The following USP18 variants were observed in gnomAD, a reference collection of about 807,000 sequenced individuals.
The protein encoded by USP18 is ubl carboxyl-terminal hydrolase 18.
Under a neutral mutation model 48.7 loss-of-function variants are expected in USP18, and 11 were observed. That is an observed-to-expected ratio of 0.23 (90% confidence interval 0.14 to 0.37). USP18 has a LOEUF of 0.37. Ranked by LOEUF, USP18 falls within the 10% of genes least tolerant of loss-of-function variation. The pLI, the probability that USP18 is intolerant of heterozygous loss-of-function variation, is 1.00. For missense variants in USP18, 285 were observed against 436.4 expected (o/e 0.65, Z 3.09); for synonymous variants, 114 against 163.2 (o/e 0.70, Z 2.30).
At chr22:18,173,715 G>A (rs1247219576) in intron 9 of USP18, 78 bp from the exon 10 acceptor site, 2 of 1,591,514 alleles carry the variant, frequency 1.3e-6, no homozygotes, top group East Asian at 2.3e-5. Flanking sequence ...GGAGGATGAG[G>A]GGCACATTAT....
chr22:18,167,738 T>G, intron 5 of USP18, 152 bp from the exon 6 acceptor site: 1 of 628,774 alleles, frequency 1.6e-6, no homozygotes, highest in Non-Finnish European at 2.5e-6. Flanking sequence ...TTAATCCACA[T>G]AAAACACTTA....
intron 1 of USP18, among the ~76,000 whole-genome samples, chr22:18,153,300 A>G (rs1449546681): frequency 6.6e-6 from 1 of 152,126 alleles, no homozygotes; most frequent in Non-Finnish European, 1.5e-5. Flanking sequence ...GTGGTGGCAC[A>G]TGCCTGTAGT....
intron 4 of USP18, among the ~76,000 whole-genome samples, chr22:18,166,638 T>C (rs1386285480): frequency 6.6e-6 from 1 of 152,124 alleles, no homozygotes; most frequent in African/African-American, 2.4e-5. Flanking sequence ...TTCGCCTTCA[T>C]TGCTTTCTTG....
Position 18,167,697 on chromosome 22 carries a change from CAAAAAAA to C in USP18, c.481-179_481-173del, listed in dbSNP as rs748332867. 3.5e-3 allele frequency among the ~76,000 whole-genome samples: 330 copies of C among 94,344 alleles called. 4 individuals carry two copies. The highest frequency in any genetic ancestry group is 9.9e-3 in the African/African-American group (277 of 27,924). The allele number at this position is 94,344 out of a possible 152,430, so 61.9% of individuals were successfully genotyped here. A position where few individuals can be genotyped will look rare whatever the true frequency, so the allele number is the denominator to read the frequency against. ...TGGGTGACAGAGCGAGACTCTGTCT[CAAAAAAA>C]AAAAAAAAAAAAAGAAAAAAGAGTT... On this transcript the variant is annotated intron_variant, in intron 5 of 10. Transcript: ENST00000215794.
At chr22:18,158,565 A>T (rs1929233380) in intron 2 of USP18, among the ~76,000 whole-genome samples, 1 of 152,154 alleles carries the variant, frequency 6.6e-6, no homozygotes, top group South Asian at 2.1e-4. Context: ...TTCCCCAAGA[A>T]TCCTGAGATT....
In USP18 at chr22:18,160,215, C is replaced by T; in HGVS notation, c.201C>T (p.Asn67=). 6.2e-7 allele frequency: 1 copy of T among 1,614,238 alleles called. No homozygotes were observed. Among genetic ancestry groups the T allele is most frequent in the Non-Finnish European group, 8.5e-7 (1 of 1,180,034 alleles). Reference sequence around the variant, plus strand: ...ACATTGGACAGACCTGCTGCCTTAACTCCTTGATTCAGGTGTTCGTAATGA... The same window carrying T: ...ACATTGGACAGACCTGCTGCCTTAATTCCTTGATTCAGGTGTTCGTAATGA... ...LHNIGQTCCL[N]SLIQVFVMNV... is the part of the protein sequence containing the mutation. Residue 67 remains asparagine (N), a synonymous_variant, in exon 3 of 11, where the codon AAC becomes AAT. Transcript: ENST00000215794.
intron 4 of USP18, among the ~76,000 whole-genome samples, chr22:18,164,337 G>A (rs1194257716): frequency 2.6e-5 from 4 of 151,916 alleles, no homozygotes; most frequent in Non-Finnish European, 5.9e-5. Flanking sequence ...ACTGGGCCTG[G>A]GGGGATGTTC....
At chr22:18,168,057 T>G in intron 6 of USP18, 21 bp downstream of exon 6, 1 of 1,613,268 alleles carries the variant, frequency 6.2e-7, no homozygotes, top group Non-Finnish European at 8.5e-7. Flanking sequence ...TCTCTTGGTA[T>G]TTGCTGCCCC....
chr22:18,166,225 A>G (rs903987202), intron 4 of USP18, among the ~76,000 whole-genome samples: 5 of 152,108 alleles, frequency 3.3e-5, no homozygotes, highest in African/African-American at 4.8e-5. Context: ...GACCTCCTCT[A>G]GTACATTTTT....
At chr22:18,170,353 T>C (rs1929595482) in intron 7 of USP18, among the ~76,000 whole-genome samples, 2 of 152,176 alleles carry the variant, frequency 1.3e-5, no homozygotes, top group African/African-American at 4.8e-5. Context: ...GTCTGGCTAG[T>C]ATCTGGGACG....
intron 8 of USP18, 21 bp from the exon 9 acceptor site, chr22:18,173,129 C>G: frequency 6.3e-7 from 1 of 1,593,094 alleles, no homozygotes; most frequent in Non-Finnish European, 8.5e-7. Context: ...GGTGAACTGT[C>G]TCGTGCCTGT....
At chr22:18,154,515 T>A (rs954499293) in intron 1 of USP18, among the ~76,000 whole-genome samples, 1 of 152,190 alleles carries the variant, frequency 6.6e-6, no homozygotes, top group Non-Finnish European at 1.5e-5. Context: ...GGCACAATCA[T>A]AGTTCAGTGC....
chr22:18,160,230 G>T lies in USP18; in HGVS notation c.216G>T (p.Val72=), dbSNP rs571291315. Residue 72 remains valine (V), a synonymous_variant, in exon 3 of 11, where the codon GTG becomes GTT. Transcript: ENST00000215794. ...QTCCLNSLIQ[V]FVMNVDFTRI... ...GCTGCCTTAACTCCTTGATTCAGGT[G>T]TTCGTAATGAATGTGGACTTCACCA... is the stretch of plus-strand genomic sequence containing the variant. 3.1e-6 allele frequency: 5 copies of T among 1,614,202 alleles called. No individual in the cohort carries two copies. The African/African-American group carries it at 6.7e-5, about 22-fold the overall frequency.
Position 18,161,935 on chromosome 22 carries a change from T to A in USP18, c.400T>A (p.Leu134Met). Residue 134 changes from leucine to methionine, a missense_variant and splice_region_variant, in exon 4 of 11, where the codon TTG (leucine) becomes ATG (methionine). Coordinates refer to ENST00000215794, the MANE Select transcript of USP18 (RefSeq NM_017414.4). The stretch of plus-strand genomic sequence containing the variant: ...CTGCCTGCAGAAGTGCAACGTGCCC[T>A]GTAAGATACCCTCCCACTGGGCTCC... ...AYCLQKCNVP[L>M]FVQHDAAQLY... The A allele has an allele frequency of 6.2e-7, 1 of 1,608,502 alleles. No individual in the cohort carries two copies. The highest frequency in any genetic ancestry group is 8.5e-7 in the Non-Finnish European group (1 of 1,177,218).
chr22:18,159,162 TCTC>T (rs1929249863), intron 2 of USP18, among the ~76,000 whole-genome samples: 1 of 152,056 alleles, frequency 6.6e-6, no homozygotes, highest in Admixed American at 6.6e-5. Context: ...TTCAAGCAGT[TCTC>T]CTTCCTCAGC....
rs1342259626 is a variant in USP18, at chr22:18,171,549, T to C, written c.891+629T>C. Among the ~76,000 whole-genome samples, 4 of 151,804 alleles carry C rather than the reference T, an allele frequency of 2.6e-5. No individual in the cohort carries two copies. In the East Asian group the frequency reaches 7.7e-4, roughly 29 times the overall value. ...TTGGGAGGCTGAGTTGGAGGATCAC[T>C]TGAGCCCAGGAGTTTGAGGCTGCAG... is the stretch of plus-strand genomic sequence containing the variant. On this transcript the variant is annotated intron_variant, in intron 8 of 10. Coordinates refer to ENST00000215794, the MANE Select transcript of USP18 (RefSeq NM_017414.4).
intron 10 of USP18, among the ~76,000 whole-genome samples, chr22:18,174,178 C>T (rs57712078): frequency 0.041 from 6,189 of 151,738 alleles, 431 homozygotes; most frequent in African/African-American, 0.14. Context: ...GAAGCCTTTG[C>T]TGATTCACCC....
At chr22:18,158,837 C>G (rs985917428) in intron 2 of USP18, among the ~76,000 whole-genome samples, 2 of 152,120 alleles carry the variant, frequency 1.3e-5, no homozygotes, top group Non-Finnish European at 2.9e-5. Context: ...TGGGGAGTCC[C>G]TCTTATCCCT....
At chr22:18,166,922 C>T (rs951744780) in intron 4 of USP18, among the ~76,000 whole-genome samples, 9 of 151,266 alleles carry the variant, frequency 5.9e-5, no homozygotes, top group Non-Finnish European at 1.0e-4. Flanking sequence ...AATTTTTTAT[C>T]GAGACGGAGT....
Sources: gnomAD v4.1 joint callset for allele counts (sites outside exome capture counted in the v4.1 genomes callset) on GRCh38, gnomAD v4.1.1 for gene constraint, MANE v1.5 for transcripts, NCBI Gene and HGNC (gene_info 2026-07-23, HGNC 2026-07-21) for gene names.